The following PPME1 variants were observed in gnomAD, a reference collection of about 807,000 sequenced individuals.
PPME1 encodes protein phosphatase methylesterase 1.
PPME1 carries 17 observed loss-of-function variants against 56.9 expected under a neutral mutation model. That is an observed-to-expected ratio of 0.30 (90% CI 0.20 to 0.45). PPME1 has a LOEUF of 0.45. PPME1 is among the 20% of genes least tolerant of loss of function. The pLI is 1.00. For missense variants in PPME1, 357 were observed against 483.2 expected (o/e 0.74, Z 2.45); for synonymous variants, 122 against 156.2 (o/e 0.78, Z 1.63).
intron 13 of PPME1, chr11:74,252,528 TCTGCAGGGGTGATC>T (rs1859729931): frequency 2.2e-6 from 1 of 455,526 alleles, no homozygotes; most frequent in South Asian, 1.6e-5. Context: ...TATTAGCCAC[TCTGCAGGGGTGATC>T]CTGGAAGCTC....
chr11:74,173,941 A>T (rs1304316121), intron 1 of PPME1, among the ~76,000 whole-genome samples: 1 of 152,246 alleles, frequency 6.6e-6, no homozygotes, highest in African/African-American at 2.4e-5. Context: ...TTATGATAGT[A>T]TTGTGAAGAG....
chr11:74,208,458 C>T (rs911667768), intron 3 of PPME1, among the ~76,000 whole-genome samples: 2 of 151,992 alleles, frequency 1.3e-5, no homozygotes, highest in African/African-American at 4.8e-5. Flanking sequence ...CCTGTTCTTA[C>T]GATGTTTAAA....
intron 3 of PPME1, among the ~76,000 whole-genome samples, chr11:74,209,804 A>G (rs1269202422): frequency 2.6e-5 from 4 of 152,200 alleles, no homozygotes; most frequent in Non-Finnish European, 5.9e-5. Context: ...ACTTAGGATA[A>G]TACTGTTTGA....
chr11:74,189,122 G>C (rs1857767826), intron 1 of PPME1, among the ~76,000 whole-genome samples: 1 of 152,110 alleles, frequency 6.6e-6, no homozygotes, highest in Non-Finnish European at 1.5e-5. Context: ...AGGTGCATTG[G>C]CTCACACCTG....
intron 5 of PPME1, among the ~76,000 whole-genome samples, chr11:74,229,656 C>T (rs781516890): frequency 1.4e-4 from 22 of 152,142 alleles, no homozygotes; most frequent in Non-Finnish European, 2.2e-4. Flanking sequence ...TTTACTCTTT[C>T]GAGGTGTTTT....
At chr11:74,248,036 A>G (rs1859551651) in intron 11 of PPME1, 1 of 152,482 alleles carries the variant, frequency 6.6e-6, no homozygotes, top group African/African-American at 2.4e-5. Context: ...AGCCTCAAAC[A>G]GATCGTGGGG....
intron 3 of PPME1, 91 bp downstream of exon 3, chr11:74,204,536 T>C (rs1455089864): frequency 1.8e-6 from 2 of 1,131,718 alleles, no homozygotes; most frequent in African/African-American, 3.1e-5. Context: ...CACATTCTAT[T>C]TGGGAAGCAG....
At chr11:74,190,283 T>C (rs1857799954) in intron 1 of PPME1, among the ~76,000 whole-genome samples, 1 of 152,186 alleles carries the variant, frequency 6.6e-6, no homozygotes, top group South Asian at 2.1e-4. Context: ...GTGGAAAGTA[T>C]TGGGTCATGG....
intron 1 of PPME1, among the ~76,000 whole-genome samples, chr11:74,188,332 G>A (rs1028820691): frequency 2.2e-4 from 34 of 151,576 alleles, no homozygotes; most frequent in Admixed American, 5.3e-4. Context: ...GATTACAGGC[G>A]CCTGCCACCA....
rs1017799427 is a variant in PPME1, at chr11:74,203,783, A to G, written c.157A>G (p.Met53Val). Residue 53 changes from methionine (M) to valine (V), a missense_variant, in exon 2 of 14, where the codon ATG becomes GTG. By Grantham distance (21) the Met-to-Val change is conservative (BLOSUM62 1). Around this residue, in one of 2 missense-constraint regions of PPME1, gnomAD observed 175 missense variants for 189.4 expected, o/e 0.92. Coordinates refer to ENST00000328257, the MANE Select transcript of PPME1 (RefSeq NM_016147.3). Reference protein sequence around the residue: ...PVPWSQYFESMEDVEVENETG... With the variant: ...PVPWSQYFESVEDVEVENETG... Reference sequence around the variant, plus strand: ...TCCTTGGAGTCAGTATTTTGAGTCCATGGAAGATGTAGAAGTAGAGAATGA... The same window carrying G: ...TCCTTGGAGTCAGTATTTTGAGTCCGTGGAAGATGTAGAAGTAGAGAATGA... 1.9e-6 allele frequency: 3 copies of G among 1,612,526 alleles called. No individual in the cohort carries two copies. The highest frequency in any genetic ancestry group is 1.1e-5 in the South Asian group (1 of 90,872).
chr11:74,227,185 G>T (rs1345724914), intron 5 of PPME1, among the ~76,000 whole-genome samples: 5 of 152,120 alleles, frequency 3.3e-5, no homozygotes. Context: ...TGGATACTGG[G>T]GGAAGTTCTG....
Position 74,240,307 on chromosome 11 carries a change from A to G in PPME1, c.834+1051A>G, listed in dbSNP as rs535618370. Among the ~76,000 whole-genome samples the G allele has an allele frequency of 1.2e-4, 18 of 152,294 alleles. 1 individual carries two copies. In the South Asian group the frequency reaches 3.3e-3, roughly 28 times the overall value. ...TCCTCTGTGCAAGAATTGTATTCCA[A>G]ACAAACAAAAAATGTGTATTTTGTG... On this transcript the variant is annotated intron_variant, in intron 9 of 13. Transcript: ENST00000328257.
chr11:74,188,149 T>C (rs941957645), intron 1 of PPME1, among the ~76,000 whole-genome samples: 1 of 152,056 alleles, frequency 6.6e-6, no homozygotes, highest in African/African-American at 2.4e-5. Flanking sequence ...AGTAGACATA[T>C]CTAGAATCGT....
Position 74,251,520 on chromosome 11 carries a change from CA to C in PPME1, c.1075-126del, listed in dbSNP as rs1859662314. 4.7e-6 allele frequency: 7 copies of C among 1,474,716 alleles called. No individual in the cohort carries two copies. The Admixed American group carries it at 1.9e-4, about 40-fold the overall frequency. The allele number at this position is 1,474,716 out of a possible 1,614,324, so 91.4% of individuals were successfully genotyped here. ...GGGAGGGCCTAGGTCCTTTTAATTTCAAGCCACTCAGACCTGTGGGTGGGAT... is the reference window on the plus strand; with the variant it reads ...GGGAGGGCCTAGGTCCTTTTAATTTCAGCCACTCAGACCTGTGGGTGGGAT... On this transcript the variant is annotated intron_variant, in intron 12 of 13. Coordinates refer to ENST00000328257, the MANE Select transcript of PPME1 (RefSeq NM_016147.3).
intron 11 of PPME1, 108 bp from the exon 12 acceptor site, chr11:74,250,846 A>C: frequency 1.2e-6 from 1 of 856,838 alleles, no homozygotes; most frequent in East Asian, 2.7e-5. Context: ...TATTGAGGTG[A>C]GGTTGGAAAT....
intron 3 of PPME1, among the ~76,000 whole-genome samples, chr11:74,216,268 C>CA (rs1338439689): frequency 6.6e-6 from 1 of 152,022 alleles, no homozygotes; most frequent in Admixed American, 6.6e-5. Context: ...GGATAACATT[C>CA]AAAAAACTGA....
intron 1 of PPME1, among the ~76,000 whole-genome samples, chr11:74,196,235 T>G (rs1348754113): frequency 6.6e-6 from 1 of 152,232 alleles, no homozygotes; most frequent in African/African-American, 2.4e-5. Context: ...GGCATATAGT[T>G]TAATGAAAAG....
chr11:74,201,394 A>G (rs1858163281), intron 1 of PPME1, among the ~76,000 whole-genome samples: 1 of 152,166 alleles, frequency 6.6e-6, no homozygotes, highest in African/African-American at 2.4e-5. Flanking sequence ...GCTAACTTGT[A>G]AAGGTTCTTT....
chr11:74,177,364 A>G (rs753551820), intron 1 of PPME1, among the ~76,000 whole-genome samples: 1 of 151,706 alleles, frequency 6.6e-6, no homozygotes, highest in Non-Finnish European at 1.5e-5. Flanking sequence ...CTGGAGGATC[A>G]TTTGAGTCCG....
Sources: gnomAD v4.1 joint callset for allele counts (sites outside exome capture counted in the v4.1 genomes callset) on GRCh38, gnomAD v4.1.1 for gene constraint, gnomAD v4.1.1 regional missense constraint, MANE v1.5 for transcripts, NCBI Gene and HGNC (gene_info 2026-07-23, HGNC 2026-07-21) for gene names.